The following MGST1 variants were observed in gnomAD, a reference collection of about 807,000 sequenced individuals.
MGST1 encodes the protein glutathione S-transferase 12.
In MGST1, 5 loss-of-function variants were observed where a neutral mutation model predicts 8.9. The observed-to-expected ratio is 0.56, with a 90% confidence interval of 0.29 to 1.19. The LOEUF (loss-of-function observed/expected upper bound fraction) is 1.19, where lower values mean the gene tolerates loss of function less well. Ranked by LOEUF, MGST1 falls within the 50% of genes most tolerant of loss-of-function variation. MGST1 has a pLI of 0.08. For synonymous variants in MGST1, 54 were observed against 67.8 expected, an observed-to-expected ratio of 0.80 and a Z score of 1.00; for missense variants, 182 against 187.4, an observed-to-expected ratio of 0.97 and a Z score of 0.17.
At chr12:16,511,920 G>T (rs540930366) in intron 4 of MGST1, among the ~76,000 whole-genome samples, 3 of 152,276 alleles carry the variant, frequency 2.0e-5, no homozygotes, top group African/African-American at 7.2e-5. Flanking sequence ...CCTATGAACT[G>T]CAGCCTTCAG....
At chr12:16,431,438 G>C (rs1269126781) in intron 1 of MGST1, among the ~76,000 whole-genome samples, 2 of 151,952 alleles carry the variant, frequency 1.3e-5, no homozygotes, top group Non-Finnish European at 2.9e-5. Context: ...TTGACTTAAA[G>C]TGCGAGATGT....
Position 16,544,405 on chromosome 12 carries a change from G to GATATA in MGST1, n.483-45122_483-45118dup, listed in dbSNP as rs1381843618. 2.0e-5 allele frequency among the ~76,000 whole-genome samples: 3 copies of GATATA among 151,926 alleles called. No homozygotes were observed. Among genetic ancestry groups the GATATA allele is most frequent in the Non-Finnish European group, 4.4e-5 (3 of 67,924 alleles). ...ATACAAAAGAGAAAAAGCCAAATAT[G>GATATA]ATATATGTGGCTTGTTTCTTCTATT... On this transcript the variant is annotated intron_variant and non_coding_transcript_variant, in intron 4 of 4. Coordinates refer to the MGST1 transcript ENST00000538857. This position sits in a 1 kb window ranked among gnomAD's most constrained non-coding sequence, Gnocchi z 4.8.
At chr12:16,454,379 A>G (rs1941152828) in intron 4 of MGST1, among the ~76,000 whole-genome samples, 1 of 151,970 alleles carries the variant, frequency 6.6e-6, no homozygotes, top group Non-Finnish European at 1.5e-5. Flanking sequence ...AAAAAATAAG[A>G]ATTTAATCTC....
intron 4 of MGST1, among the ~76,000 whole-genome samples, chr12:16,454,316 A>G (rs1941152423): frequency 6.6e-6 from 1 of 151,936 alleles, no homozygotes; most frequent in Non-Finnish European, 1.5e-5. Flanking sequence ...TATTTCACAT[A>G]CTTTATGGGG....
intron 4 of MGST1, among the ~76,000 whole-genome samples, chr12:16,483,989 A>G (rs1565462796): frequency 6.6e-6 from 1 of 152,204 alleles, no homozygotes; most frequent in Non-Finnish European, 1.5e-5. Flanking sequence ...GTAATATCAT[A>G]TTGCACATAC....
intron 4 of MGST1, among the ~76,000 whole-genome samples, chr12:16,488,189 C>A (rs1037491517): frequency 1.3e-5 from 2 of 152,156 alleles, no homozygotes; most frequent in Non-Finnish European, 2.9e-5. Context: ...ATAAATCTTT[C>A]TGAACAATTT....
rs913443904 is a variant in MGST1, at chr12:16,547,577, G to A, written n.483-41951G>A. Among the ~76,000 whole-genome samples, 1 of 152,100 alleles carries A rather than the reference G, an allele frequency of 6.6e-6. No individual in the cohort carries two copies. The highest frequency in any genetic ancestry group is 1.5e-5 in the Non-Finnish European group (1 of 68,002). ...TTTGATCTAGGCCAACCCTAAGTCT[G>A]CCCAACAGGAGGCTGAATGCTCAGG... On this transcript the variant is annotated intron_variant and non_coding_transcript_variant, in intron 4 of 4. Coordinates refer to the MGST1 transcript ENST00000538857. This position sits in a 1 kb window ranked among gnomAD's most constrained non-coding sequence, Gnocchi z 4.6.
intron 1 of MGST1, among the ~76,000 whole-genome samples, chr12:16,426,211 T>G (rs1940885398): frequency 6.6e-6 from 1 of 152,228 alleles, no homozygotes; most frequent in African/African-American, 2.4e-5. Flanking sequence ...TACTCCTCAC[T>G]ATAGGGTTCC....
chr12:16,428,529 T>C (rs1940912755), intron 1 of MGST1, among the ~76,000 whole-genome samples: 1 of 151,830 alleles, frequency 6.6e-6, no homozygotes, highest in South Asian at 2.1e-4. Context: ...TTCTAGTGTT[T>C]ATGGTGGATT....
At chr12:16,411,160 T>A (rs1940739411) in intron 1 of MGST1, among the ~76,000 whole-genome samples, 1 of 152,204 alleles carries the variant, frequency 6.6e-6, no homozygotes, top group Non-Finnish European at 1.5e-5. Flanking sequence ...GCTGTAATTG[T>A]ATATGTGTCT....
downstream of MGST1, among the ~76,000 whole-genome samples, chr12:16,592,386 A>G (rs748041238): frequency 1.3e-5 from 2 of 152,030 alleles, no homozygotes; most frequent in South Asian, 2.1e-4. Context: ...TTTGAAGGCA[A>G]TTACTTATAA....
chr12:16,400,883 T>C lies in MGST1; in HGVS notation n.778+17279T>C, dbSNP rs1591717870. On this transcript the variant is annotated intron_variant and non_coding_transcript_variant, in intron 1 of 1. Coordinates refer to the MGST1 transcript ENST00000359720. ...TGGTTCCTTAGGCATCAGAGATGGG[T>C]GTTTATAGGACACATTAGATTTGTG... 6 of 1,171,750 alleles carry C rather than the reference T, an allele frequency of 5.1e-6. No homozygotes were observed. The East Asian group carries it at 1.4e-4, about 27-fold the overall frequency. 72.6% of individuals were successfully genotyped at this position (1,171,750 alleles called of 1,614,324 possible). A position where few individuals can be genotyped will look rare whatever the true frequency, so the allele number is the denominator to read the frequency against.
At chr12:16,416,881 T>C (rs920130603) in intron 1 of MGST1, among the ~76,000 whole-genome samples, 2 of 152,190 alleles carry the variant, frequency 1.3e-5, no homozygotes, top group Admixed American at 6.6e-5. Context: ...CTGTAGAATT[T>C]GCATTCCTCA....
At position 16,362,047 on chromosome 12, in the gene MGST1, C is replaced by T. The variant is rs1940024328; in HGVS notation, c.222-1748C>T. Among the ~76,000 whole-genome samples, 1 of 152,100 alleles carries T rather than the reference C, an allele frequency of 6.6e-6. No homozygotes were observed. Among genetic ancestry groups the T allele is most frequent in the South Asian group, 2.1e-4 (1 of 4,822 alleles). ...AGAGTCTCCTTTTTATAGTTTCTTC[C>T]TCAACCTTAAAATGTCTGTCCTTTT... is the stretch of plus-strand genomic sequence containing the variant. On this transcript the variant is annotated intron_variant, in intron 3 of 3. Transcript: ENST00000396210. The surrounding 1 kb of genome is among the most constrained non-coding windows in gnomAD (Gnocchi z 4.4).
At chr12:16,478,356 T>C (rs1941338516) in intron 4 of MGST1, among the ~76,000 whole-genome samples, 1 of 152,090 alleles carries the variant, frequency 6.6e-6, no homozygotes, top group African/African-American at 2.4e-5. Context: ...AGCCTCCCTC[T>C]CCTCTCATTC....
intron 4 of MGST1, among the ~76,000 whole-genome samples, chr12:16,445,334 C>G (rs1233088429): frequency 1.3e-5 from 2 of 151,850 alleles, no homozygotes; most frequent in Non-Finnish European, 2.9e-5. Context: ...ATGTTAGGCA[C>G]TAGACACTGC....
chr12:16,454,540 TA>T lies in MGST1; in HGVS notation n.482+70939del, dbSNP rs975252891. Among the ~76,000 whole-genome samples the T allele has an allele frequency of 2.0e-4, 30 of 151,996 alleles. No homozygotes were observed. The East Asian group carries it at 2.7e-3, about 14-fold the overall frequency. On this transcript the variant is annotated intron_variant and non_coding_transcript_variant, in intron 4 of 4. Coordinates refer to the MGST1 transcript ENST00000538857. Reference sequence around the variant, plus strand: ...TGAGGAAGAAGAGAAAGATGTTAAATAAATCTACCAAAGTCACCCGATAATA... The same window carrying T: ...TGAGGAAGAAGAGAAAGATGTTAAATAATCTACCAAAGTCACCCGATAATA...
intron 4 of MGST1, among the ~76,000 whole-genome samples, chr12:16,509,720 G>C (rs905223227): frequency 6.6e-6 from 1 of 152,162 alleles, no homozygotes; most frequent in Non-Finnish European, 1.5e-5. Context: ...TCCGGAGTCA[G>C]TTTTGTCAAC....
At chr12:16,360,808 T>C (rs2099104507) in intron 3 of MGST1, among the ~76,000 whole-genome samples, 1 of 152,180 alleles carries the variant, frequency 6.6e-6, no homozygotes, top group Non-Finnish European at 1.5e-5. Flanking sequence ...GACTCTGTCA[T>C]GAGACTGGAG....
Sources: allele counts gnomAD v4.1 joint callset (sites outside exome capture counted in the v4.1 genomes callset), GRCh38; gene constraint gnomAD v4.1.1; non-coding constraint Gnocchi (gnomAD v3.1); transcripts MANE v1.5; gene names NCBI Gene and HGNC (gene_info 2026-07-23, HGNC 2026-07-21).